The following ZNF236 variants were observed in gnomAD, a reference collection of about 807,000 sequenced individuals.
ZNF236 encodes the protein regulated by glucose.
In ZNF236, 50 loss-of-function variants were observed where a neutral mutation model predicts 191.2. That is an observed-to-expected ratio of 0.26 (90% CI 0.21 to 0.33). ZNF236 has a LOEUF of 0.33. Among genes scored for constraint, ZNF236 ranks in the 10% least tolerant of loss-of-function variants. The pLI, the probability that ZNF236 is intolerant of heterozygous loss-of-function variation, is 1.00. For synonymous variants in ZNF236, 907 were observed against 928.8 expected (o/e 0.98, Z 0.43); for missense variants, 1,754 against 2,374.5 (o/e 0.74, Z 5.43).
intron 5 of ZNF236, among the ~76,000 whole-genome samples, chr18:76,872,201 C>T (rs1012817189): frequency 1.3e-5 from 2 of 152,170 alleles, no homozygotes; most frequent in African/African-American, 4.8e-5. Flanking sequence ...TTAACAAAGA[C>T]CGGATGTGGT....
At chr18:76,864,384 G>A (rs1235864519) in intron 3 of ZNF236, among the ~76,000 whole-genome samples, 6 of 151,820 alleles carry the variant, frequency 4.0e-5, no homozygotes, top group Non-Finnish European at 7.4e-5. Context: ...ATTTTTAGTA[G>A]AGATGGCGTT....
At chr18:76,904,281 C>G in intron 11 of ZNF236, 99 bp from the exon 12 acceptor site, 6 of 1,237,432 alleles carry the variant, frequency 4.8e-6, no homozygotes, top group Non-Finnish European at 6.4e-6. Flanking sequence ...TCTAACTTAC[C>G]AGAATTTTCA....
chr18:76,826,451 A>G (rs944449223), intron 1 of ZNF236, among the ~76,000 whole-genome samples: 4 of 151,488 alleles, frequency 2.6e-5, no homozygotes, highest in South Asian at 2.1e-4. Flanking sequence ...AAGTCCACCC[A>G]GTTAGTGAGT....
At chr18:76,963,162 G>A (rs567198494) in intron 30 of ZNF236, among the ~76,000 whole-genome samples, 1 of 152,288 alleles carries the variant, frequency 6.6e-6, no homozygotes, top group Non-Finnish European at 1.5e-5. Context: ...TCAGTTCTCA[G>A]AGGGAAAGCT....
At chr18:76,886,879 G>A (rs1009594588) in intron 9 of ZNF236, 25 of 188,926 alleles carry the variant, frequency 1.3e-4, no homozygotes, top group East Asian at 1.5e-4. Flanking sequence ...GCTAGTCACC[G>A]CAGCGTCAGT....
chr18:76,831,986 T>C (rs1019644664), intron 1 of ZNF236, among the ~76,000 whole-genome samples: 1 of 152,234 alleles, frequency 6.6e-6, no homozygotes, highest in Non-Finnish European at 1.5e-5. Context: ...TAACAATTTG[T>C]CAGTCCTTTA....
At chr18:76,930,092 A>G (rs1179386853) in intron 25 of ZNF236, among the ~76,000 whole-genome samples, 3 of 152,232 alleles carry the variant, frequency 2.0e-5, no homozygotes, top group African/African-American at 4.8e-5. Context: ...ATAAAAAGGT[A>G]TATAAAATTG....
chr18:76,882,957 T>C (rs1206524965), intron 9 of ZNF236, among the ~76,000 whole-genome samples: 1 of 152,258 alleles, frequency 6.6e-6, no homozygotes, highest in Non-Finnish European at 1.5e-5. Context: ...CTACTGTCTC[T>C]AGTCATTGTG....
At chr18:76,950,894 G>A (rs1264487909) in intron 27 of ZNF236, among the ~76,000 whole-genome samples, 1 of 152,226 alleles carries the variant, frequency 6.6e-6, no homozygotes, top group African/African-American at 2.4e-5. Flanking sequence ...CTACAGTGTG[G>A]ATGTCATGTT....
chr18:76,859,883 T>A (rs1049107827), intron 3 of ZNF236, among the ~76,000 whole-genome samples: 11 of 152,216 alleles, frequency 7.2e-5, no homozygotes, highest in African/African-American at 2.7e-4. Flanking sequence ...CTGAGGCATC[T>A]AGAGATCTGC....
chr18:76,892,708 C>T (rs1457592821), intron 9 of ZNF236, among the ~76,000 whole-genome samples: 1 of 152,202 alleles, frequency 6.6e-6, no homozygotes, highest in African/African-American at 2.4e-5. Context: ...GCTGGGATTA[C>T]AGGCATGTGC....
chr18:76,898,989 A>G (rs749526216), intron 10 of ZNF236, 30 bp from the exon 11 acceptor site: 1 of 1,574,234 alleles, frequency 6.4e-7, no homozygotes. Context: ...TTCTGGAAAT[A>G]ATTCTAAAAT....
Position 76,960,155 on chromosome 18 carries a change from C to T in ZNF236, c.5242+339C>T, listed in dbSNP as rs1445464680. On this transcript the variant is annotated intron_variant, in intron 29 of 30. Transcript: ENST00000320610. This position sits in a 1 kb window ranked among gnomAD's most constrained non-coding sequence, Gnocchi z 4.4. ...TGCCTGGGTCCCATGTCCTCAATGT[C>T]ACCGGGGAACTTAATTTTTAATCTT... 6.6e-6 allele frequency among the ~76,000 whole-genome samples: 1 copy of T among 152,200 alleles called. No homozygotes were observed. Among genetic ancestry groups the T allele is most frequent in the East Asian group, 1.9e-4 (1 of 5,192 alleles).
intron 5 of ZNF236, among the ~76,000 whole-genome samples, chr18:76,874,280 TG>T (rs1436170171): frequency 6.6e-6 from 1 of 152,212 alleles, no homozygotes; most frequent in Non-Finnish European, 1.5e-5. Flanking sequence ...ACCCTAAAGC[TG>T]TTCAGAGAAG....
Position 76,927,099 on chromosome 18 carries a change from T to C in ZNF236, c.4090T>C (p.Leu1364=). The part of the protein sequence containing the change: ...GSLATLEGIQ[L]QLAANLVGPN... ...CCTGGCTACCCTAGAAGGCATCCAG[T>C]TACAGTTGGCTGCTAACTTGGTTGG... The change falls in exon 23 of 31, where the codon TTA becomes CTA. Residue 1364 remains leucine, a synonymous_variant. Coordinates refer to ENST00000320610, the MANE Select transcript of ZNF236 (RefSeq NM_001306089.2). The surrounding 1 kb of genome is among the most constrained non-coding windows in gnomAD (Gnocchi z 5.4). 1 of 1,613,956 alleles carries C rather than the reference T, an allele frequency of 6.2e-7. No homozygotes were observed. The highest frequency in any genetic ancestry group is 8.5e-7 in the Non-Finnish European group (1 of 1,179,976).
intron 11 of ZNF236, among the ~76,000 whole-genome samples, chr18:76,902,250 T>G (rs1977614381): frequency 6.6e-6 from 1 of 152,224 alleles, no homozygotes; most frequent in African/African-American, 2.4e-5. Context: ...TGTTCATCTC[T>G]TCTCTCAGAC....
chr18:76,869,013 A>G, intron 4 of ZNF236, 150 bp downstream of exon 4: 1 of 663,780 alleles, frequency 1.5e-6, no homozygotes, highest in South Asian at 2.0e-5. Context: ...CTTTTATAAC[A>G]TGCATGGTGC....
At position 76,942,531 on chromosome 18, in the gene ZNF236, A is replaced by T. The variant is rs542421423; in HGVS notation, c.4783-4990A>T. On this transcript the variant is annotated intron_variant, in intron 26 of 30. Coordinates refer to ENST00000320610, the MANE Select transcript of ZNF236 (RefSeq NM_001306089.2). The stretch of plus-strand genomic sequence containing the variant: ...TTTTATTTTTTTATTATTTTTTTTG[A>T]GACGGAGTCTCGCTCTGTCGCCCAG... 7.2e-3 allele frequency among the ~76,000 whole-genome samples: 1,089 copies of T among 151,310 alleles called. 5 individuals are homozygous for T. Among genetic ancestry groups the T allele is most frequent in the Middle Eastern group, 0.017 (5 of 294 alleles).
chr18:76,900,957 G>T (rs954419533), intron 11 of ZNF236, among the ~76,000 whole-genome samples: 5 of 152,156 alleles, frequency 3.3e-5, no homozygotes, highest in African/African-American at 1.2e-4. Flanking sequence ...GGAGTGCGCA[G>T]CCTAGATCCC....
Sources: gnomAD v4.1 joint callset for allele counts (sites outside exome capture counted in the v4.1 genomes callset) on GRCh38, gnomAD v4.1.1 for gene constraint, Gnocchi (gnomAD v3.1) non-coding constraint, MANE v1.5 for transcripts, NCBI Gene and HGNC (gene_info 2026-07-23, HGNC 2026-07-21) for gene names.